The following PTPRD variants were observed in gnomAD, a reference collection of about 807,000 sequenced individuals.
PTPRD encodes the protein receptor-type tyrosine-protein phosphatase delta.
A neutral mutation model predicts 214.5 loss-of-function variants in PTPRD; 34 were observed. That is an observed-to-expected ratio of 0.16 (90% CI 0.12 to 0.21). The LOEUF (loss-of-function observed/expected upper bound fraction) is 0.21, where lower values mean the gene tolerates loss of function less well. Ranked by LOEUF, PTPRD falls within the 10% of genes least tolerant of loss-of-function variation. PTPRD has a pLI of 1.00. For synonymous variants in PTPRD, 1,128 were observed against 845.7 expected (o/e 1.33, Z -5.79); for missense variants, 2,545 against 2,398.7 (o/e 1.06, Z -1.27).
At chr9:8,540,017 G>A (rs1593156725) in intron 14 of PTPRD, among the ~76,000 whole-genome samples, 1 of 152,060 alleles carries the variant, frequency 6.6e-6, no homozygotes, top group Admixed American at 6.6e-5. Flanking sequence ...AGAATGCCTT[G>A]TTTGTATAAA....
intron 14 of PTPRD, among the ~76,000 whole-genome samples, chr9:8,597,656 T>A (rs1205169979): frequency 6.6e-6 from 1 of 152,208 alleles, no homozygotes; most frequent in Non-Finnish European, 1.5e-5. Flanking sequence ...TAAATCAATA[T>A]CAATTTCATG....
At chr9:8,821,556 A>C (rs572432162) in intron 11 of PTPRD, among the ~76,000 whole-genome samples, 36 of 152,330 alleles carry the variant, frequency 2.4e-4, no homozygotes, top group South Asian at 8.3e-4. Flanking sequence ...AGTGGAGGCC[A>C]ATCCCAATGC....
chr9:8,847,178 T>G (rs1205471178), intron 11 of PTPRD, among the ~76,000 whole-genome samples: 1 of 152,184 alleles, frequency 6.6e-6, no homozygotes, highest in Non-Finnish European at 1.5e-5. Flanking sequence ...TAAAATATTT[T>G]TTTTTTGGTA....
In PTPRD at chr9:8,668,175, G is replaced by A. The variant is rs148447485; in HGVS notation, c.65-31331C>T. ...TTTAGCACCATTTTACTCAATGTAA[G>A]CAACACCAAGAACAGTGTCATGCTA... On this transcript the variant is annotated intron_variant, in intron 12 of 45. Transcript: ENST00000381196. 1.2e-3 allele frequency among the ~76,000 whole-genome samples: 190 copies of A among 152,170 alleles called. 1 individual carries two copies. Among genetic ancestry groups the A allele is most frequent in the African/African-American group, 4.3e-3 (180 of 41,512 alleles).
intron 3 of PTPRD, among the ~76,000 whole-genome samples, chr9:10,280,109 T>C (rs1293476678): frequency 6.6e-6 from 1 of 152,180 alleles, no homozygotes; most frequent in Non-Finnish European, 1.5e-5. Context: ...ACATAACTGC[T>C]GAAAGATTCA....
intron 2 of PTPRD, among the ~76,000 whole-genome samples, chr9:10,512,292 G>C (rs1216995332): frequency 6.6e-6 from 1 of 151,984 alleles, no homozygotes; most frequent in Admixed American, 6.6e-5. Context: ...GAGAGGGAGA[G>C]AGAATGTGTG....
chr9:10,116,496 T>G lies in PTPRD; in HGVS notation c.-544-82706A>C, dbSNP rs143630425. On this transcript the variant is annotated intron_variant, in intron 3 of 45. Transcript: ENST00000381196. ...TATACCATTTATATTCATCACTATT[T>G]CAAAATTATAGCATTGAATACACAC... 1.2e-3 allele frequency among the ~76,000 whole-genome samples: 189 copies of G among 152,260 alleles called. 1 individual carries two copies. The highest frequency in any genetic ancestry group is 4.3e-3 in the African/African-American group (180 of 41,558).
chr9:8,730,981 G>C (rs1199593744), intron 12 of PTPRD, among the ~76,000 whole-genome samples: 2 of 152,178 alleles, frequency 1.3e-5, no homozygotes, highest in African/African-American at 2.4e-5. Flanking sequence ...CACACGTCTA[G>C]CTTTTTCAAA....
intron 10 of PTPRD, among the ~76,000 whole-genome samples, chr9:9,027,523 A>G (rs929600038): frequency 5.3e-5 from 8 of 151,970 alleles, no homozygotes; most frequent in Non-Finnish European, 8.8e-5. Flanking sequence ...AGAGTATAGT[A>G]TAATATTAAG....
In PTPRD at chr9:9,744,385, T is replaced by C. The variant is rs111584065; in HGVS notation, c.-325-9814A>G. 8.4e-3 allele frequency among the ~76,000 whole-genome samples: 1,282 copies of C among 152,254 alleles called. 8 individuals carry two copies. Among genetic ancestry groups the C allele is most frequent in the Non-Finnish European group, 0.013 (901 of 67,992 alleles). ...ATGTAGATGTTGAGGACTGCATATATTGTTACCAATTTTGTTAGTTATTTT... is the reference window on the plus strand; with the variant it reads ...ATGTAGATGTTGAGGACTGCATATACTGTTACCAATTTTGTTAGTTATTTT... On this transcript the variant is annotated intron_variant, in intron 6 of 45. Transcript: ENST00000381196.
intron 11 of PTPRD, among the ~76,000 whole-genome samples, chr9:8,893,008 A>T (rs2098555057): frequency 6.6e-6 from 1 of 152,158 alleles, no homozygotes; most frequent in African/African-American, 2.4e-5. Context: ...ATCCAACTAT[A>T]GTGAGACATC....
chr9:10,491,701 T>A (rs1341922143), intron 2 of PTPRD, among the ~76,000 whole-genome samples: 2 of 152,052 alleles, frequency 1.3e-5, no homozygotes, highest in Non-Finnish European at 2.9e-5. Flanking sequence ...TGCCACAATT[T>A]TCAGGGTTTC....
intron 4 of PTPRD, among the ~76,000 whole-genome samples, chr9:9,984,670 G>C (rs1350814961): frequency 6.6e-6 from 1 of 152,142 alleles, no homozygotes; most frequent in East Asian, 1.9e-4. Flanking sequence ...TAGGGGAACA[G>C]GCACAGCAGG....
chr9:8,347,281 C>G (rs2074115878), intron 39 of PTPRD, among the ~76,000 whole-genome samples: 1 of 152,072 alleles, frequency 6.6e-6, no homozygotes, highest in Non-Finnish European at 1.5e-5. Context: ...TTCCCACCAT[C>G]CAGGGACAAA....
At chr9:8,470,177 G>C (rs757639790) in intron 31 of PTPRD, among the ~76,000 whole-genome samples, 1 of 152,048 alleles carries the variant, frequency 6.6e-6, no homozygotes, top group Non-Finnish European at 1.5e-5. Flanking sequence ...AATAACAAAG[G>C]CTCTTCTGTA....
In PTPRD at chr9:8,833,715, T is replaced by TACAC. The variant is rs1177957119; in HGVS notation, c.-103-99773_-103-99770dup. The stretch of plus-strand genomic sequence containing the variant: ...CTCTCTCTCTCTATATATATATATA[T>TACAC]ACACACACACACACACACACACACA... On this transcript the variant is annotated intron_variant, in intron 11 of 45. Coordinates refer to ENST00000381196, the MANE Select transcript of PTPRD (RefSeq NM_002839.4). 1.6e-3 allele frequency among the ~76,000 whole-genome samples: 219 copies of TACAC among 133,738 alleles called. 1 individual carries two copies. The highest frequency in any genetic ancestry group is 4.6e-3 in the African/African-American group (161 of 35,306). 87.7% of individuals were successfully genotyped at this position (133,738 alleles called of 152,430 possible).
At chr9:8,961,181 A>G (rs2154318206) in intron 11 of PTPRD, among the ~76,000 whole-genome samples, 2 of 152,224 alleles carry the variant, frequency 1.3e-5, no homozygotes, top group East Asian at 3.9e-4. Flanking sequence ...GAGGAGCTAC[A>G]TTGCAAGCTT....
intron 9 of PTPRD, among the ~76,000 whole-genome samples, chr9:9,329,448 T>G (rs1031442305): frequency 7.9e-5 from 12 of 152,168 alleles, no homozygotes; most frequent in Non-Finnish European, 1.5e-4. Flanking sequence ...CACTAGATAA[T>G]GTTCTTAAAA....
At chr9:10,154,769 C>CT (rs58870937) in intron 3 of PTPRD, among the ~76,000 whole-genome samples, 73,781 of 151,666 alleles carry the variant, frequency 0.49, 19,590 homozygotes, top group African/African-American at 0.71. Context: ...GCAGGGTGGC[C>CT]TATTTCTAGG....
Sources: gnomAD v4.1 joint callset for allele counts (sites outside exome capture counted in the v4.1 genomes callset) on GRCh38, gnomAD v4.1.1 for gene constraint, MANE v1.5 for transcripts, NCBI Gene and HGNC (gene_info 2026-07-23, HGNC 2026-07-21) for gene names.